The following WDR59 variants were observed in gnomAD, a reference collection of about 807,000 sequenced individuals.
The protein encoded by WDR59 is WD repeat domain 59, also known as GATOR2 complex protein WDR59.
WDR59 carries 100 observed loss-of-function variants against 131.2 expected under a neutral mutation model. The observed-to-expected ratio is 0.76, with a 90% CI of 0.65 to 0.90. The LOEUF (loss-of-function observed/expected upper bound fraction) is 0.90, where lower values mean the gene tolerates loss of function less well. Ranked by LOEUF, WDR59 falls within the 40% of genes least tolerant of loss-of-function variation. The pLI, the probability that WDR59 is intolerant of heterozygous loss-of-function variation, is 0.00. For missense variants in WDR59, 1,203 were observed against 1,262.2 expected, an observed-to-expected ratio of 0.95 and a Z score of 0.71; for synonymous variants, 601 against 466.2, an observed-to-expected ratio of 1.29 and a Z score of -3.72.
chr16:74,885,902 A>T, intron 24 of WDR59, 107 bp from the exon 25 acceptor site: 1 of 1,349,264 alleles, frequency 7.4e-7, no homozygotes, highest in South Asian at 1.5e-5. Flanking sequence ...CTGGCCAGGC[A>T]CGGTGGCTAA....
chr16:74,915,811 T>C (rs1966339500), intron 13 of WDR59, 59 bp downstream of exon 13: 24 of 1,607,592 alleles, frequency 1.5e-5, no homozygotes, highest in Non-Finnish European at 1.6e-5. Context: ...GCTGAAATGG[T>C]TCCCTCTCCC....
At position 74,872,910 on chromosome 16, in the gene WDR59, T is replaced by A. The variant is rs1964036954; in HGVS notation, c.*1299A>T. On this transcript the variant is annotated 3_prime_UTR_variant, in exon 26 of 26. Coordinates refer to ENST00000262144, the MANE Select transcript of WDR59 (RefSeq NM_030581.4). ...CACCACACCCGGCTATTTTTTTAAT[T>A]TTTTTTTTCTTTTTTTGAGACAGAG... The A allele has an allele frequency of 6.6e-6, 1 of 150,786 alleles. No homozygotes were observed. Among genetic ancestry groups the A allele is most frequent in the Admixed American group, 6.6e-5 (1 of 15,110 alleles). The allele number at this position is 150,786 out of a possible 1,614,324, so 9.3% of individuals were successfully genotyped here. A position where few individuals can be genotyped will look rare whatever the true frequency, so the allele number is the denominator to read the frequency against.
intron 14 of WDR59, among the ~76,000 whole-genome samples, chr16:74,911,185 A>C (rs923411801): frequency 6.7e-6 from 1 of 150,134 alleles, no homozygotes; most frequent in Non-Finnish European, 1.5e-5. Context: ...TTTCACACAC[A>C]AAAGAGTTCG....
At chr16:74,951,743 T>C (rs938739456) in intron 3 of WDR59, among the ~76,000 whole-genome samples, 200 bp from the exon 4 acceptor site, 4 of 152,194 alleles carry the variant, frequency 2.6e-5, no homozygotes, top group Non-Finnish European at 4.4e-5. Flanking sequence ...TATGTAGGTC[T>C]GTGAATCTCA....
At chr16:74,896,236 A>C (rs1567697141) in intron 18 of WDR59, among the ~76,000 whole-genome samples, 2 of 152,262 alleles carry the variant, frequency 1.3e-5, no homozygotes. Flanking sequence ...AATGAGAAGC[A>C]CTTAAACAAT....
chr16:74,879,506 C>T (rs72796688), intron 25 of WDR59, among the ~76,000 whole-genome samples: 12,420 of 152,204 alleles, frequency 0.082, 563 homozygotes, highest in African/African-American at 0.11. Flanking sequence ...GAATCCAAGA[C>T]AATTAGAACA....
At chr16:74,914,820 T>G (rs999099159) in intron 13 of WDR59, among the ~76,000 whole-genome samples, 7 of 152,016 alleles carry the variant, frequency 4.6e-5, no homozygotes, top group Non-Finnish European at 5.9e-5. Flanking sequence ...TGTCGATCTC[T>G]TCACCTTGTG....
intron 25 of WDR59, among the ~76,000 whole-genome samples, chr16:74,879,707 A>G (rs949935582): frequency 6.6e-6 from 1 of 151,590 alleles, no homozygotes; most frequent in Non-Finnish European, 1.5e-5. Context: ...CCTTCAGGAG[A>G]AAAAAAAACC....
chr16:74,959,459 C>T (rs2033459657), intron 2 of WDR59: 9 of 435,282 alleles, frequency 2.1e-5, no homozygotes, highest in South Asian at 1.5e-4. Flanking sequence ...GGGACTAATG[C>T]AACAGAAAGG....
rs753942682 is a variant in WDR59 at position 74,893,756 on chromosome 16, G to A, written c.1923C>T (p.Ile641=). Residue 641 remains isoleucine, a synonymous_variant, in exon 19 of 26, where the codon ATC becomes ATT. Transcript: ENST00000262144. ...GGATGATGACTTTCCCAGCAGCCTT[G>A]ATCTGTCGATTGCCAGAGTCTGATC... ...REGSDSGNRQ[I]KAAGKVIIQD... is the part of the protein sequence containing the mutation. 5.6e-6 allele frequency: 9 copies of A among 1,614,058 alleles called. No homozygotes were observed. In the African/African-American group the frequency reaches 1.2e-4, roughly 22 times the overall value.
rs781593137 is a variant in WDR59 at position 74,874,210 on chromosome 16, C to A, written c.2924G>T (p.Ter975LeuextTer15). ...GCHCLLESTF[*>L] ...AGACAATACCCAACTTCTGTAGGTT[C>A]AGAAAGTGCTTTCAAGCAGGCAGTG... The change falls in exon 26 of 26, where the codon TGA becomes TTA. Residue 975 changes from the stop codon to leucine, a stop_lost. Transcript: ENST00000262144. 6.2e-7 allele frequency: 1 copy of A among 1,613,010 alleles called. No individual in the cohort carries two copies. Among genetic ancestry groups the A allele is most frequent in the African/African-American group, 1.3e-5 (1 of 74,898 alleles).
chr16:74,884,881 G>C (rs532330262), intron 25 of WDR59, among the ~76,000 whole-genome samples: 1 of 152,266 alleles, frequency 6.6e-6, no homozygotes, highest in African/African-American at 2.4e-5. Flanking sequence ...TCAGACCTCA[G>C]CTCCTTGGAG....
intron 18 of WDR59, among the ~76,000 whole-genome samples, chr16:74,902,799 T>C (rs1965615760): frequency 1.3e-5 from 2 of 152,126 alleles, no homozygotes; most frequent in Non-Finnish European, 2.9e-5. Context: ...ACCAACAATT[T>C]TGAATGGAAA....
chr16:74,953,308 C>T (rs1346951041), intron 3 of WDR59, among the ~76,000 whole-genome samples: 2 of 151,818 alleles, frequency 1.3e-5, no homozygotes, highest in East Asian at 3.9e-4. Context: ...CCCATCTCTA[C>T]TTAAAAATAC....
At chr16:74,954,561 G>T (rs531320769) in intron 3 of WDR59, among the ~76,000 whole-genome samples, 1 of 152,270 alleles carries the variant, frequency 6.6e-6, no homozygotes, top group South Asian at 2.1e-4. Flanking sequence ...AGTATAAAAG[G>T]TTTAGCCACT....
intron 17 of WDR59, among the ~76,000 whole-genome samples, chr16:74,907,121 C>T (rs1462093322): frequency 1.4e-5 from 2 of 143,332 alleles, no homozygotes; most frequent in Admixed American, 7.1e-5. Flanking sequence ...CCCCAGTTCC[C>T]ATGGGGCCCA....
intron 3 of WDR59, among the ~76,000 whole-genome samples, chr16:74,953,809 G>C (rs991355624): frequency 6.6e-6 from 1 of 151,468 alleles, no homozygotes; most frequent in East Asian, 2.0e-4. Flanking sequence ...AGACCATCCT[G>C]GCTAACAGGG....
intron 14 of WDR59, among the ~76,000 whole-genome samples, chr16:74,911,495 C>T (rs927056891): frequency 3.3e-5 from 5 of 152,150 alleles, no homozygotes; most frequent in South Asian, 2.1e-4. Flanking sequence ...TCAGACTGAA[C>T]GGGTATGAAG....
chr16:74,922,109 G>T lies in WDR59; in HGVS notation c.730-6C>A, dbSNP rs368668248. 6.2e-6 allele frequency: 10 copies of T among 1,613,918 alleles called. No homozygotes were observed. Among genetic ancestry groups the T allele is most frequent in the Admixed American group, 1.7e-5 (1 of 59,988 alleles). On this transcript the variant is annotated splice_polypyrimidine_tract_variant and splice_region_variant and intron_variant, in intron 9 of 25. Transcript: ENST00000262144. ...ACCAATCCATTGCTGAAAGGCTAAG[G>T]CAGGGAAGGGAAAAGCAGGTGATTA...
Sources: gnomAD v4.1 joint callset for allele counts (sites outside exome capture counted in the v4.1 genomes callset) on GRCh38, gnomAD v4.1.1 for gene constraint, MANE v1.5 for transcripts, NCBI Gene and HGNC (gene_info 2026-07-23, HGNC 2026-07-21) for gene names.